The following CFAP221 variants were observed in gnomAD, a reference collection of about 807,000 sequenced individuals.
The protein encoded by CFAP221 is cilia- and flagella-associated protein 221.
In CFAP221, 97 loss-of-function variants were observed where a neutral mutation model predicts 113.1. The observed-to-expected ratio is 0.86, with a 90% CI of 0.73 to 1.02. The LOEUF (loss-of-function observed/expected upper bound fraction) is 1.02. CFAP221 is among the 50% of genes least tolerant of loss of function. The pLI, the probability that CFAP221 is intolerant of heterozygous loss-of-function variation, is 0.00. For missense variants in CFAP221, 1,025 were observed against 1,013.4 expected (o/e 1.01, Z -0.16); for synonymous variants, 331 against 354.4 (o/e 0.93, Z 0.74).
intron 14 of CFAP221, among the ~76,000 whole-genome samples, chr2:119,616,437 A>G (rs1362946585): frequency 1.3e-5 from 2 of 152,192 alleles, no homozygotes. Context: ...AGAACAATTG[A>G]GAATGTCTGA....
At position 119,611,659 on chromosome 2, in the gene CFAP221, A is replaced by G. The variant is rs1446964764; in HGVS notation, c.1228A>G (p.Arg410Gly). The change falls in exon 13 of 24, where the codon AGA (arginine) becomes GGA (glycine). Residue 410 changes from arginine to glycine, a missense_variant. Arg to Gly is a moderately radical substitution (Grantham distance 125, BLOSUM62 -2). Transcript: ENST00000413369. ...TTGATGATTAAAAACCCAGCTAGAC[A>G]GAGGAGATCCTATTTTGGATGAGGA... ...QKACAKYKLD[R>G]GDPILDEEFQ... 1 of 1,612,546 alleles carries G rather than the reference A, an allele frequency of 6.2e-7. No individual in the cohort carries two copies. Among genetic ancestry groups the G allele is most frequent in the South Asian group, 1.1e-5 (1 of 90,816 alleles).
In CFAP221 at chr2:119,555,614, G is replaced by A. The variant is rs201795282; in HGVS notation, c.241-4075G>A. Among the ~76,000 whole-genome samples, 3 of 152,274 alleles carry A rather than the reference G, an allele frequency of 2.0e-5. No individual in the cohort carries two copies. The East Asian group carries it at 5.8e-4, about 29-fold the overall frequency. ...GATCTAAAAATAAAGCTGATCTGCT[G>A]ATAAAGTATTAAAAAAAAGACAGGA... On this transcript the variant is annotated intron_variant, in intron 3 of 23. Coordinates refer to ENST00000413369, the MANE Select transcript of CFAP221 (RefSeq NM_001271049.2).
intron 14 of CFAP221, among the ~76,000 whole-genome samples, chr2:119,618,964 C>A (rs1685706610): frequency 6.6e-6 from 1 of 152,178 alleles, no homozygotes; most frequent in Non-Finnish European, 1.5e-5. Flanking sequence ...GTAAACAAAG[C>A]CACCAGCAAG....
intron 7 of CFAP221, among the ~76,000 whole-genome samples, chr2:119,600,464 A>G (rs1208975279): frequency 1.3e-5 from 2 of 152,252 alleles, no homozygotes; most frequent in African/African-American, 4.8e-5. Context: ...AGTTCTGGGA[A>G]TTCATGTCTG....
chr2:119,653,287 A>C (rs1312445677), intron 23 of CFAP221, among the ~76,000 whole-genome samples: 1 of 152,096 alleles, frequency 6.6e-6, no homozygotes, highest in East Asian at 1.9e-4. Flanking sequence ...AGGCTGAGGC[A>C]GGAGAATCGC....
intron 4 of CFAP221, 36 bp from the exon 5 acceptor site, chr2:119,559,892 G>A (rs1180046248): frequency 1.5e-5 from 22 of 1,511,626 alleles, no homozygotes; most frequent in Middle Eastern, 1.7e-4. Flanking sequence ...TGTGCAGTCC[G>A]GGGCTTGTCC....
intron 2 of CFAP221, 66 bp downstream of exon 2, chr2:119,546,336 A>G: frequency 6.8e-7 from 1 of 1,467,480 alleles, no homozygotes; most frequent in Non-Finnish European, 9.0e-7. Context: ...AAGTCCAGAG[A>G]GCATAATGGG....
rs1284383239 is a variant in CFAP221, at chr2:119,544,458, A to AGCGGGCGCCGGC, written c.-97_-86dup. The AGCGGGCGCCGGC allele has an allele frequency of 6.6e-6, 1 of 151,584 alleles. No homozygotes were observed. Among genetic ancestry groups the AGCGGGCGCCGGC allele is most frequent in the African/African-American group, 2.4e-5 (1 of 41,288 alleles). The allele number at this position is 151,584 out of a possible 1,614,324, so 9.4% of individuals were successfully genotyped here. On this transcript the variant is annotated 5_prime_UTR_variant, in exon 1 of 24. Coordinates refer to ENST00000413369, the MANE Select transcript of CFAP221 (RefSeq NM_001271049.2). ...TCCGCGTCGTCATGGCGACGCTCCG[A>AGCGGGCGCCGGC]GCGGGCGCCGGCGCTGGCGCCGGCC...
At chr2:119,656,162 G>A (rs1437380411) in intron 23 of CFAP221, 200 bp from the exon 24 acceptor site, 5 of 529,106 alleles carry the variant, frequency 9.4e-6, no homozygotes, top group Non-Finnish European at 1.4e-5. Flanking sequence ...TGATGCAGCT[G>A]AGGCCAGAAG....
intron 15 of CFAP221, among the ~76,000 whole-genome samples, chr2:119,626,769 G>C (rs1686336876): frequency 6.6e-6 from 1 of 151,714 alleles, no homozygotes; most frequent in Admixed American, 6.6e-5. Context: ...GAGACCCCTG[G>C]ATAATTAAAA....
At chr2:119,587,409 G>C (rs1445558970) in intron 7 of CFAP221, among the ~76,000 whole-genome samples, 187 bp downstream of exon 7, 1 of 152,170 alleles carries the variant, frequency 6.6e-6, no homozygotes, top group Non-Finnish European at 1.5e-5. Context: ...ATAATGTTCA[G>C]GTAAGTTTCT....
chr2:119,604,653 C>T lies in CFAP221; in HGVS notation c.792-19C>T, dbSNP rs1351780556. ...GTTAATGGCTTATTTACTAATTTAA[C>T]ACTTGTTTTAACCTATAGATTAGAA... On this transcript the variant is annotated intron_variant, in intron 8 of 23. Coordinates refer to ENST00000413369, the MANE Select transcript of CFAP221 (RefSeq NM_001271049.2). The T allele has an allele frequency of 3.3e-6, 5 of 1,522,660 alleles. No individual in the cohort carries two copies. In the South Asian group the frequency reaches 5.3e-5, roughly 16 times the overall value. 94.3% of individuals were successfully genotyped at this position (1,522,660 alleles called of 1,614,324 possible).
chr2:119,553,218 T>C (rs1028344571), intron 3 of CFAP221, among the ~76,000 whole-genome samples: 3 of 152,058 alleles, frequency 2.0e-5, no homozygotes, highest in Non-Finnish European at 4.4e-5. Flanking sequence ...GGAGAGGCCA[T>C]TGGGGGTAGC....
At chr2:119,606,782 G>A (rs982449069) in intron 11 of CFAP221, among the ~76,000 whole-genome samples, 1 of 152,034 alleles carries the variant, frequency 6.6e-6, no homozygotes, top group Non-Finnish European at 1.5e-5. Context: ...ATGCTGTGTT[G>A]TTCCTTTAAT....
chr2:119,585,051 G>A (rs1378431094), intron 6 of CFAP221, among the ~76,000 whole-genome samples: 1 of 152,124 alleles, frequency 6.6e-6, no homozygotes, highest in Non-Finnish European at 1.5e-5. Flanking sequence ...ATCAACAGGA[G>A]AGTGGCTGAA....
intron 3 of CFAP221, among the ~76,000 whole-genome samples, chr2:119,550,994 A>G (rs899636488): frequency 6.6e-6 from 1 of 152,212 alleles, no homozygotes; most frequent in African/African-American, 2.4e-5. Context: ...ATATGAACGC[A>G]ATCATACAAT....
intron 14 of CFAP221, among the ~76,000 whole-genome samples, chr2:119,623,149 A>T (rs2104738991): frequency 6.6e-6 from 1 of 152,372 alleles, no homozygotes; most frequent in South Asian, 2.1e-4. Context: ...CCTTAAGCTG[A>T]TAAGCAACTT....
In CFAP221 at chr2:119,608,528, T is replaced by A. The variant is rs758952901; in HGVS notation, c.1160T>A (p.Met387Lys). 3 of 1,613,398 alleles carry A rather than the reference T, an allele frequency of 1.9e-6. No homozygotes were observed. The highest frequency in any genetic ancestry group is 2.5e-6 in the Non-Finnish European group (3 of 1,179,704). ...CAGGTGCACCTTGGTAAAGATCCTATGTCTTTTAAACTTAAAAAAGAGCTT... is the reference window on the plus strand; with the variant it reads ...CAGGTGCACCTTGGTAAAGATCCTAAGTCTTTTAAACTTAAAAAAGAGCTT... ...KWQVHLGKDP[M>K]SFKLKKELTE... Residue 387 changes from methionine to lysine, a missense_variant, in exon 12 of 24, where the codon ATG becomes AAG. Met to Lys is a moderately conservative substitution (Grantham distance 95). Transcript: ENST00000413369.
Position 119,611,534 on chromosome 2 carries a change from C to G in CFAP221, c.1222-119C>G, listed in dbSNP as rs1249719429. ...TTACCCACTTGTGTTTCACCACTTC[C>G]AATGGGAACGTCGTGGGTGGATTTG... On this transcript the variant is annotated intron_variant, in intron 12 of 23. Transcript: ENST00000413369. 2.5e-5 allele frequency: 19 copies of G among 756,784 alleles called. No homozygotes were observed. The Admixed American group carries it at 5.2e-4, about 21-fold the overall frequency. The allele number at this position is 756,784 out of a possible 1,614,324, so 46.9% of individuals were successfully genotyped here. A position where few individuals can be genotyped will look rare whatever the true frequency, so the allele number is the denominator to read the frequency against.
Sources: allele counts gnomAD v4.1 joint callset (sites outside exome capture counted in the v4.1 genomes callset), GRCh38; gene constraint gnomAD v4.1.1; transcripts MANE v1.5; gene names NCBI Gene and HGNC (gene_info 2026-07-23, HGNC 2026-07-21).